Variants in DNAH10 observed in about 807,000 individuals in gnomAD.
The protein encoded by DNAH10 is dynein axonemal heavy chain 10.
Under a neutral mutation model 506.6 loss-of-function variants are expected in DNAH10, and 348 were observed. The observed-to-expected ratio is 0.69, with a 90% CI of 0.63 to 0.75. The LOEUF is 0.75. DNAH10 is among the 30% of genes least tolerant of loss of function. The probability of loss-of-function intolerance (pLI) is 0.00; values close to 1 mark genes in which losing one functional copy is unlikely to be tolerated. For missense variants in DNAH10, 5,179 were observed against 5,787.1 expected (o/e 0.89, Z 3.41); for synonymous variants, 2,059 against 2,198.6 (o/e 0.94, Z 1.78).
chr12:123,878,453 T>C (rs1338432495), intron 48 of DNAH10, among the ~76,000 whole-genome samples: 1 of 152,208 alleles, frequency 6.6e-6, no homozygotes, highest in Non-Finnish European at 1.5e-5. Context: ...GAATTTTCCA[T>C]GTATCCTGCT....
rs1423902708 is a variant in DNAH10, at chr12:123,867,473, C to T, written c.7174C>T (p.Gln2392Ter). The change falls in exon 42 of 79, where the codon CAA becomes TAA. Residue 2392 changes from glutamine to a stop codon, truncating the protein, a stop_gained. Coordinates refer to ENST00000673944, the MANE Select transcript of DNAH10 (RefSeq NM_001372106.1). LOFTEE classifies it high-confidence loss of function. ...WVNQIPNKVE[Q>*]YNLNSLFEKY... ...GAATGCTACTTTTTTATAGGTGGAG[C>T]AATACAATTTGAATAGTCTCTTTGA... is the stretch of plus-strand genomic sequence containing the variant. 1.2e-6 allele frequency: 2 copies of T among 1,612,852 alleles called. No individual in the cohort carries two copies. Among genetic ancestry groups the T allele is most frequent in the Non-Finnish European group, 1.7e-6 (2 of 1,179,500 alleles).
Position 123,787,853 on chromosome 12 carries a change from C to G in DNAH10, c.1471C>G (p.Leu491Val), listed in dbSNP as rs1481262476. 6.2e-7 allele frequency: 1 copy of G among 1,614,114 alleles called. No homozygotes were observed. The highest frequency in any genetic ancestry group is 8.5e-7 in the Non-Finnish European group (1 of 1,180,010). Reference protein sequence around the residue: ...QSKTLEARNTLRLWKKAYFDT... With the variant: ...QSKTLEARNTVRLWKKAYFDT... ...CAAAACCTTGGAAGCCAGGAACACC[C>G]TCAGGCTGTGGAAAAAGGCCTATTT... Residue 491 changes from leucine to valine, a missense_variant, in exon 10 of 79, where the codon CTC becomes GTC. By Grantham distance (32) the Leu-to-Val change is conservative. This residue lies in a region of DNAH10 where 4,844 missense variants were observed against 5,430.5 expected (regional missense o/e 0.89). Coordinates refer to ENST00000673944, the MANE Select transcript of DNAH10 (RefSeq NM_001372106.1). The surrounding 1 kb of genome is among the most constrained non-coding windows in gnomAD (Gnocchi z 4.6).
chr12:123,809,181 C>G (rs2065287603), intron 19 of DNAH10, among the ~76,000 whole-genome samples: 1 of 152,188 alleles, frequency 6.6e-6, no homozygotes, highest in Admixed American at 6.5e-5. Context: ...CTCACCCAGC[C>G]CTGCCCGGCT....
chr12:123,887,729 C>T (rs1001949900), intron 52 of DNAH10, among the ~76,000 whole-genome samples: 1 of 151,832 alleles, frequency 6.6e-6, no homozygotes, highest in African/African-American at 2.4e-5. Flanking sequence ...TTTGAGACCC[C>T]GTCTTTACAA....
intron 37 of DNAH10, among the ~76,000 whole-genome samples, chr12:123,857,821 G>A (rs1951458115): frequency 6.6e-6 from 1 of 152,178 alleles, no homozygotes; most frequent in Non-Finnish European, 1.5e-5. Context: ...TCTCTGGAAC[G>A]TTTTCATATT....
intron 54 of DNAH10, among the ~76,000 whole-genome samples, chr12:123,897,534 G>A (rs1052529937): frequency 3.3e-5 from 5 of 152,270 alleles, no homozygotes; most frequent in South Asian, 2.1e-4. Flanking sequence ...ACCAGCCTGG[G>A]CAACATGGGT....
chr12:123,769,105 G>C, intron 2 of DNAH10, among the ~76,000 whole-genome samples: 1 of 152,168 alleles, frequency 6.6e-6, no homozygotes, highest in Non-Finnish European at 1.5e-5. Context: ...GGAACTACAA[G>C]TTAGAAATAA....
intron 57 of DNAH10, among the ~76,000 whole-genome samples, chr12:123,904,491 G>T (rs1594335884): frequency 1.3e-5 from 2 of 152,106 alleles, no homozygotes; most frequent in East Asian, 3.9e-4. Flanking sequence ...AAGGAACGGT[G>T]AGTCCCTTCC....
In DNAH10 at chr12:123,917,770, A is replaced by G. The variant is rs1954550273; in HGVS notation, c.11189A>G (p.Asp3730Gly). Residue 3730 changes from aspartate (D) to glycine (G), a missense_variant, in exon 64 of 79, where the codon GAC becomes GGC. Physicochemically the swap from Asp to Gly is moderately conservative, Grantham distance 94. This residue lies in a region of DNAH10 where 4,844 missense variants were observed against 5,430.5 expected (regional missense o/e 0.89). Transcript: ENST00000673944. This position sits in a 1 kb window ranked among gnomAD's most constrained non-coding sequence, Gnocchi z 5.6. ...TSTGNMLDNV[D>G]LVHTLEETKS... is the part of the protein sequence containing the mutation. ...ACGGGGAACATGCTGGACAATGTGG[A>G]CCTGGTGCACACCCTGGAGGAGACC... 6 of 1,576,048 alleles carry G rather than the reference A, an allele frequency of 3.8e-6. No individual in the cohort carries two copies. In the East Asian group the frequency reaches 1.4e-4, roughly 37 times the overall value.
chr12:123,799,225 GT>G lies in DNAH10; in HGVS notation c.2164-19del. The G allele has an allele frequency of 3.1e-6, 5 of 1,592,632 alleles. No homozygotes were observed. The highest frequency in any genetic ancestry group is 4.3e-6 in the Non-Finnish European group (5 of 1,166,474). ...TGTTATTTTCAAGGACAAAATGACG[GT>G]TGCTTGAATTCTTTGATAGGTCAAA... On this transcript the variant is annotated intron_variant, in intron 13 of 78. Coordinates refer to ENST00000673944, the MANE Select transcript of DNAH10 (RefSeq NM_001372106.1).
Position 123,820,737 on chromosome 12 carries a change from C to T in DNAH10, c.4158C>T (p.Tyr1386=), listed in dbSNP as rs766942403. The T allele has an allele frequency of 3.7e-6, 6 of 1,613,780 alleles. No individual in the cohort carries two copies. Among genetic ancestry groups the T allele is most frequent in the South Asian group, 3.3e-5 (3 of 91,090 alleles). The part of the protein sequence containing the change: ...QKEMSGLRMI[Y]ELYEGLKVAK... ...AAATGAGTGGGCTGAGGATGATTTA[C>T]GAGCTCTATGAAGGACTAAAGGTGA... Residue 1386 remains tyrosine (Y), a synonymous_variant, in exon 24 of 79, where the codon TAC becomes TAT. Coordinates refer to ENST00000673944, the MANE Select transcript of DNAH10 (RefSeq NM_001372106.1).
At chr12:123,772,763 C>A in intron 3 of DNAH10, 71 bp from the exon 4 acceptor site, 1 of 1,177,334 alleles carries the variant, frequency 8.5e-7, no homozygotes, top group Non-Finnish European at 1.2e-6. Flanking sequence ...CTTAGGTGTA[C>A]TTGAATATTA....
In DNAH10 at chr12:123,808,963, G is replaced by C. The variant is rs748895794; in HGVS notation, c.3144+10G>C. 12 of 1,613,890 alleles carry C rather than the reference G, an allele frequency of 7.4e-6. No homozygotes were observed. ...CGTGGAGATCACCAAGGTGAGAGCG[G>C]AGGTGCTTGTGTCCTTGCTCAGACG... On this transcript the variant is annotated intron_variant, in intron 19 of 78. Transcript: ENST00000673944.
rs747764700 is a variant in DNAH10 at position 123,933,399 on chromosome 12, G to C, written c.13365G>C (p.Ala4455=). The change falls in exon 77 of 79, where the codon GCG becomes GCC. Residue 4455 remains alanine (A), a synonymous_variant. Transcript: ENST00000673944. ...ACATCCCTGAGTCCTACCTCACGGC[G>C]CTGGTGCAGGCCACCTGCCGGAAGA... ...GLHIPESYLT[A]LVQATCRKNG... The C allele has an allele frequency of 6.2e-7, 1 of 1,611,788 alleles. No individual in the cohort carries two copies. The highest frequency in any genetic ancestry group is 1.1e-5 in the South Asian group (1 of 90,946).
rs1413170769 is a variant in DNAH10 at position 123,813,230 on chromosome 12, G to A, written c.3211G>A (p.Val1071Ile). 1.9e-6 allele frequency: 3 copies of A among 1,614,094 alleles called. No homozygotes were observed. Among genetic ancestry groups the A allele is most frequent in the South Asian group, 2.2e-5 (2 of 91,068 alleles). ...ACCTCAGAAGGGGGAGGAAGAGGAA[G>A]TTGTTATAATAAACTTTTACAATGA... ...CPPQKGEEEE[V>I]VIINFYNDIS... The change falls in exon 20 of 79, where the codon GTT becomes ATT. Residue 1071 changes from valine to isoleucine, a missense_variant. By Grantham distance (29) the Val-to-Ile change is conservative. Coordinates refer to ENST00000673944, the MANE Select transcript of DNAH10 (RefSeq NM_001372106.1).
In DNAH10 at chr12:123,774,426, G is replaced by A. The variant is rs1466054986; in HGVS notation, c.621+162G>A. ...GTTGGGGAGACCCTAACCCAGCGGCGCTAGAGAAATTAAAGACACACACAC... is the reference window on the plus strand; with the variant it reads ...GTTGGGGAGACCCTAACCCAGCGGCACTAGAGAAATTAAAGACACACACAC... On this transcript the variant is annotated intron_variant, in intron 5 of 78. Transcript: ENST00000673944. Among the ~76,000 whole-genome samples, 7 of 152,200 alleles carry A rather than the reference G, an allele frequency of 4.6e-5. No homozygotes were observed. In the East Asian group the frequency reaches 5.8e-4, roughly 13 times the overall value.
Position 123,793,933 on chromosome 12 carries a change from T to G in DNAH10, c.1816-9T>G, listed in dbSNP as rs1958181098. ...GGGCATGAGGGTTGTTTTGTTGATT[T>G]TTTTGCAGGTTATTGAGAAAGAAGC... On this transcript the variant is annotated splice_polypyrimidine_tract_variant and intron_variant, in intron 11 of 78. Transcript: ENST00000673944. 8.3e-7 allele frequency: 1 copy of G among 1,203,086 alleles called. No individual in the cohort carries two copies. The highest frequency in any genetic ancestry group is 2.8e-5 in the Admixed American group (1 of 35,210). 74.5% of individuals were successfully genotyped at this position (1,203,086 alleles called of 1,614,324 possible). A position where few individuals can be genotyped will look rare whatever the true frequency, so the allele number is the denominator to read the frequency against.
intron 29 of DNAH10, among the ~76,000 whole-genome samples, chr12:123,840,208 C>T (rs111309860): frequency 0.042 from 6,442 of 151,960 alleles, 187 homozygotes; most frequent in Non-Finnish European, 0.063. Context: ...AAATCATCCC[C>T]GGCTGAGAAT....
At position 123,771,592 on chromosome 12, in the gene DNAH10, G is replaced by C. The variant is rs1256581792; in HGVS notation, c.299-9G>C. On this transcript the variant is annotated splice_polypyrimidine_tract_variant and intron_variant, in intron 2 of 78. Transcript: ENST00000673944. ...ATTATTTTCTCTTAAACTGATTGCT[G>C]TTTTGCAGCTAAGCGTGTGTCACTG... The C allele has an allele frequency of 2.5e-6, 4 of 1,611,880 alleles. No individual in the cohort carries two copies. The highest frequency in any genetic ancestry group is 2.7e-5 in the African/African-American group (2 of 74,904).
Sources: gnomAD v4.1 joint callset for allele counts (sites outside exome capture counted in the v4.1 genomes callset) on GRCh38, gnomAD v4.1.1 for gene constraint, gnomAD v4.1.1 regional missense constraint, Gnocchi (gnomAD v3.1) non-coding constraint, MANE v1.5 for transcripts, NCBI Gene and HGNC (gene_info 2026-07-23, HGNC 2026-07-21) for gene names.